Variants in DLEU7 observed in about 807,000 individuals in gnomAD.
DLEU7 encodes the protein deleted in lymphocytic leukemia 7, also known as leukemia-associated protein 7.
DLEU7 carries 17 observed loss-of-function variants against 16.0 expected under a neutral mutation model. The observed-to-expected ratio is 1.06, with a 90% CI of 0.73 to 1.59. The LOEUF (loss-of-function observed/expected upper bound fraction) is 1.59. Among genes scored for constraint, DLEU7 ranks in the 40% most tolerant of loss-of-function variants. The pLI is 0.00. For synonymous variants in DLEU7, 113 were observed against 139.8 expected (o/e 0.81, Z 1.35); for missense variants, 308 against 314.9 (o/e 0.98, Z 0.17).
chr13:50,806,655 T>C (rs1876399212), intron 1 of DLEU7, among the ~76,000 whole-genome samples: 1 of 152,146 alleles, frequency 6.6e-6, no homozygotes, highest in African/African-American at 2.4e-5. Flanking sequence ...ATCTCAACTT[T>C]ATCCTCACAT....
intron 1 of DLEU7, among the ~76,000 whole-genome samples, chr13:50,761,270 G>A (rs539290754): frequency 1.3e-5 from 2 of 152,204 alleles, no homozygotes; most frequent in Non-Finnish European, 2.9e-5. Flanking sequence ...TTAGCAGGAA[G>A]GTGTCAGCTG....
chr13:50,750,869 G>C (rs187564926), intron 1 of DLEU7, among the ~76,000 whole-genome samples: 105 of 152,216 alleles, frequency 6.9e-4, no homozygotes, highest in African/African-American at 2.4e-3. Flanking sequence ...GTAAACAATC[G>C]TATCATCAGC....
At chr13:50,796,861 G>A (rs898957369) in intron 1 of DLEU7, among the ~76,000 whole-genome samples, 3 of 152,126 alleles carry the variant, frequency 2.0e-5, no homozygotes, top group Admixed American at 6.5e-5. Context: ...CACTTGGAGT[G>A]GATCCCAACA....
At position 50,843,426 on chromosome 13, in the gene DLEU7, G is replaced by C. The variant is rs1354294815; in HGVS notation, c.221C>G (p.Thr74Ser). The stretch of plus-strand genomic sequence containing the variant: ...CCGCGCCGCGGTCCGCCGACTCCTG[G>C]TCCCCACGCCCCCGCCCCGCTCCTC... ...GREERGGGVG[T>S]RSRRTAARAN... is the part of the protein sequence containing the mutation. The change falls in exon 1 of 2, where the codon ACC becomes AGC. Residue 74 changes from threonine to serine, a missense_variant. Transcript: ENST00000504404. The surrounding 1 kb of genome is among the most constrained non-coding windows in gnomAD (Gnocchi z 5.7). The C allele has an allele frequency of 1.5e-6, 2 of 1,323,610 alleles. No homozygotes were observed. The highest frequency in any genetic ancestry group is 1.9e-6 in the Non-Finnish European group (2 of 1,042,374). 82.0% of individuals were successfully genotyped at this position (1,323,610 alleles called of 1,614,324 possible). A position where few individuals can be genotyped will look rare whatever the true frequency, so the allele number is the denominator to read the frequency against.
downstream of DLEU7, among the ~76,000 whole-genome samples, chr13:50,819,202 C>T (rs1252563329): frequency 6.6e-6 from 1 of 152,072 alleles, no homozygotes; most frequent in South Asian, 2.1e-4. Flanking sequence ...AATGTGGAGG[C>T]TTTGGAGCAG....
chr13:50,807,177 A>G (rs1876416545), intron 1 of DLEU7, among the ~76,000 whole-genome samples: 1 of 152,058 alleles, frequency 6.6e-6, no homozygotes, highest in African/African-American at 2.4e-5. Context: ...TTCATAAAAC[A>G]TAAGTATTTC....
chr13:50,838,400 T>C (rs970578066), intron 1 of DLEU7, among the ~76,000 whole-genome samples: 3 of 152,248 alleles, frequency 2.0e-5, no homozygotes, highest in African/African-American at 7.2e-5. Flanking sequence ...TGTTTTTAAT[T>C]CTCAAATGAA....
chr13:50,843,816 C>G (rs1877780003), upstream of DLEU7: 1 of 894,090 alleles, frequency 1.1e-6, no homozygotes, highest in African/African-American at 1.8e-5. This position sits in a 1 kb window ranked among gnomAD's most constrained non-coding sequence, Gnocchi z 5.7. Flanking sequence ...GTGACCCGTG[C>G]TGGCCTCTGC....
chr13:50,789,659 T>C (rs595154), intron 1 of DLEU7, among the ~76,000 whole-genome samples: 78,018 of 151,558 alleles, frequency 0.51, 21,749 homozygotes, highest in African/African-American at 0.73. Flanking sequence ...AAATATAGAA[T>C]AACATGTTAC....
intron 1 of DLEU7, among the ~76,000 whole-genome samples, chr13:50,804,282 T>G (rs1209386055): frequency 6.6e-6 from 1 of 152,130 alleles, no homozygotes; most frequent in African/African-American, 2.4e-5. Context: ...CTGTATTAAA[T>G]GTTTATATTT....
At chr13:50,753,829 C>T (rs2859563) in intron 1 of DLEU7, among the ~76,000 whole-genome samples, 71,429 of 151,920 alleles carry the variant, frequency 0.47, 17,766 homozygotes, top group African/African-American at 0.62. Context: ...CAAGAGCGAG[C>T]GAGGGCTGCA....
chr13:50,801,951 G>A (rs1876260930), intron 1 of DLEU7, among the ~76,000 whole-genome samples: 1 of 151,966 alleles, frequency 6.6e-6, no homozygotes, highest in Non-Finnish European at 1.5e-5. Context: ...TGTGCCAGAT[G>A]CTGTGTTGCC....
At chr13:50,733,636 C>G (rs929354545) in intron 1 of DLEU7, among the ~76,000 whole-genome samples, 1 of 152,132 alleles carries the variant, frequency 6.6e-6, no homozygotes, top group African/African-American at 2.4e-5. Context: ...CATTTCCTGT[C>G]TCATATCTCT....
chr13:50,819,169 A>T (rs1876821393), downstream of DLEU7, among the ~76,000 whole-genome samples: 6 of 152,134 alleles, frequency 3.9e-5, no homozygotes, highest in Admixed American at 3.9e-4. Flanking sequence ...ATTTTTGCTG[A>T]GGGAGCTAGA....
At chr13:50,757,104 T>C (rs1436251545) in intron 1 of DLEU7, among the ~76,000 whole-genome samples, 1 of 152,194 alleles carries the variant, frequency 6.6e-6, no homozygotes, top group East Asian at 1.9e-4. Flanking sequence ...GCAGTCCGCT[T>C]CTTTCAGAGG....
At chr13:50,818,889 G>A (rs1049411319), downstream of DLEU7, among the ~76,000 whole-genome samples, 2 of 152,072 alleles carry the variant, frequency 1.3e-5, no homozygotes, top group African/African-American at 4.8e-5. Context: ...GCACATTTGT[G>A]ATGGCATTTG....
At position 50,757,197 on chromosome 13, in the gene DLEU7, C is replaced by CTGTCCA. The variant is rs1230696078; in HGVS notation, c.460-43963_460-43958dup. Among the ~76,000 whole-genome samples the CTGTCCA allele has an allele frequency of 2.0e-5, 3 of 152,208 alleles. No individual in the cohort carries two copies. The East Asian group carries it at 5.8e-4, about 29-fold the overall frequency. On this transcript the variant is annotated intron_variant, in intron 1 of 1. Coordinates refer to the DLEU7 transcript ENST00000400393. The stretch of plus-strand genomic sequence containing the variant: ...ATGATGCAAGCCTCTGCACACTGCT[C>CTGTCCA]TGTCCATCTGAGTCAGAGCTGCAAT...
At chr13:50,736,146 A>G (rs1874064103) in intron 1 of DLEU7, among the ~76,000 whole-genome samples, 1 of 152,212 alleles carries the variant, frequency 6.6e-6, no homozygotes, top group Non-Finnish European at 1.5e-5. Context: ...AAAATGTGGT[A>G]CATTTACATC....
At chr13:50,766,034 T>C (rs1303821389) in intron 1 of DLEU7, among the ~76,000 whole-genome samples, 1 of 151,894 alleles carries the variant, frequency 6.6e-6, no homozygotes, top group Non-Finnish European at 1.5e-5. Flanking sequence ...GGGTTGGGGG[T>C]GGGGTGGAGA....
Sources: gnomAD v4.1 joint callset for allele counts (sites outside exome capture counted in the v4.1 genomes callset) on GRCh38, gnomAD v4.1.1 for gene constraint, Gnocchi (gnomAD v3.1) non-coding constraint, MANE v1.5 for transcripts, NCBI Gene and HGNC (gene_info 2026-07-23, HGNC 2026-07-21) for gene names.